Variants in BBS12 observed in about 807,000 individuals in gnomAD.
BBS12 encodes chaperonin-containing T-complex member BBS12.
Under a neutral mutation model 5.6 loss-of-function variants are expected in BBS12, and 5 were observed. That is an observed-to-expected ratio of 0.89 (90% confidence interval 0.46 to 1.86). The LOEUF is 1.86. BBS12 is among the 40% of genes most tolerant of loss of function. The pLI is 0.01. For missense variants in BBS12, 748 were observed against 830.4 expected (o/e 0.90, Z 1.22); for synonymous variants, 308 against 306.8 (o/e 1.00, Z -0.04).
the BBS12 span, among the ~76,000 whole-genome samples, chr4:122,705,565 G>A: frequency 1.3e-5 from 2 of 152,146 alleles, no homozygotes; most frequent in Non-Finnish European, 2.9e-5. Flanking sequence ...ATTTCCCCTT[G>A]GACTGCATTT....
intron 1 of BBS12, among the ~76,000 whole-genome samples, chr4:122,736,087 G>A (rs532641300): frequency 2.6e-5 from 4 of 152,266 alleles, no homozygotes; most frequent in Admixed American, 1.3e-4. Context: ...ACAAAAAGAG[G>A]CCAGAACAAA....
In BBS12 at chr4:122,742,392, C is replaced by T; in HGVS notation, c.500C>T (p.Thr167Ile). The part of the protein sequence containing the change: ...LCPFLQVPSD[T>I]DLIEELHGLK... ...CCTTTTCTACAGGTCCCTTCAGATA[C>T]TGATTTGATAGAGGAATTGCATGGT... The change falls in exon 2 of 2, where the codon ACT becomes ATT. Residue 167 changes from threonine (T) to isoleucine (I), a missense_variant. Coordinates refer to ENST00000314218, the MANE Select transcript of BBS12 (RefSeq NM_152618.3). 6.2e-7 allele frequency: 1 copy of T among 1,614,206 alleles called. No individual in the cohort carries two copies. The highest frequency in any genetic ancestry group is 8.5e-7 in the Non-Finnish European group (1 of 1,180,030).
the BBS12 span, among the ~76,000 whole-genome samples, chr4:122,709,944 C>T: frequency 4.1e-4 from 63 of 152,206 alleles, no homozygotes; most frequent in Non-Finnish European, 7.3e-4. Context: ...GCATGAGGTA[C>T]TGTGCCTGGC....
chr4:122,708,697 A>G, the BBS12 span, among the ~76,000 whole-genome samples: 1 of 152,040 alleles, frequency 6.6e-6, no homozygotes, highest in Non-Finnish European at 1.5e-5. Context: ...AATGATAGGT[A>G]ATCAAGGTGA....
chr4:122,716,663 ACACATAT>A, the BBS12 span, among the ~76,000 whole-genome samples: 1 of 94,052 alleles, frequency 1.1e-5, no homozygotes, highest in African/African-American at 4.2e-5. Context: ...ATATGCACAT[ACACATAT>A]GTGTATATAT....
chr4:122,706,146 T>C, the BBS12 span, among the ~76,000 whole-genome samples: 12 of 152,156 alleles, frequency 7.9e-5, no homozygotes, highest in Non-Finnish European at 2.9e-5. Context: ...ACAACGTTTG[T>C]CTTCATGGAC....
chr4:122,706,938 C>T, the BBS12 span, among the ~76,000 whole-genome samples: 1 of 152,056 alleles, frequency 6.6e-6, no homozygotes, highest in Admixed American at 6.6e-5. Flanking sequence ...CTGATATAAA[C>T]TCTCAACATT....
At chr4:122,726,950 G>C in the BBS12 span, among the ~76,000 whole-genome samples, 1 of 152,166 alleles carries the variant, frequency 6.6e-6, no homozygotes, top group African/African-American at 2.4e-5. Flanking sequence ...TGGGGACTCA[G>C]GGAAAAGTGT....
chr4:122,712,941 G>C, the BBS12 span, among the ~76,000 whole-genome samples: 2 of 152,200 alleles, frequency 1.3e-5, no homozygotes, highest in Non-Finnish European at 2.9e-5. Context: ...ATCTCAAGAT[G>C]TCAGCTACTT....
chr4:122,730,131 T>G (rs1800679575), upstream of BBS12: 2 of 152,240 alleles, frequency 1.3e-5, no homozygotes, highest in Non-Finnish European at 2.9e-5. Context: ...ACAGTTCTAT[T>G]TAATACTTTA....
the BBS12 span, among the ~76,000 whole-genome samples, chr4:122,711,175 T>C: frequency 0.02 from 3,038 of 152,248 alleles, 42 homozygotes; most frequent in Admixed American, 0.032. Context: ...AAAACTTCTC[T>C]GTGTAGGCAT....
chr4:122,725,828 G>A, the BBS12 span, among the ~76,000 whole-genome samples: 1 of 147,572 alleles, frequency 6.8e-6, no homozygotes, highest in Non-Finnish European at 1.5e-5. Context: ...AACCCAGGAG[G>A]CAGAGGTTGC....
At chr4:122,741,421 G>A (rs563151490) in intron 1 of BBS12, among the ~76,000 whole-genome samples, 1 of 152,254 alleles carries the variant, frequency 6.6e-6, no homozygotes, top group South Asian at 2.1e-4. Context: ...CCCTGACCTC[G>A]TGATCCGCCC....
At position 122,742,048 on chromosome 4, in the gene BBS12, A is replaced by C. The variant is rs955309144; in HGVS notation, c.156A>C (p.Ser52=). 6.2e-6 allele frequency: 10 copies of C among 1,614,178 alleles called. No individual in the cohort carries two copies. Among genetic ancestry groups the C allele is most frequent in the Non-Finnish European group, 8.5e-6 (10 of 1,180,016 alleles). The part of the protein sequence containing the change: ...EECHESVLIS[S]TVRLLESLDL... ...GTCATGAAAGTGTATTAATCAGTTC[A>C]ACAGTAAGGCTTCTTGAAAGTTTGG... The change falls in exon 2 of 2, where the codon TCA becomes TCC. Residue 52 remains serine (S), a synonymous_variant. Transcript: ENST00000314218.
At position 122,742,721 on chromosome 4, in the gene BBS12, C is replaced by G; in HGVS notation, c.829C>G (p.His277Asp). Residue 277 changes from histidine to aspartate, a missense_variant, in exon 2 of 2, where the codon CAT (histidine) becomes GAT (aspartate). His to Asp is a moderately conservative substitution (Grantham distance 81, BLOSUM62 -1). Transcript: ENST00000314218. ...DLVELAVGLSHGDHSSMKLVE... is the reference protein window; with the variant it reads ...DLVELAVGLSDGDHSSMKLVE... ...GGTAGAGTTGGCAGTAGGCTTGAGTCATGGAGATCACAGCAGCATGAAGTT... is the reference window on the plus strand; with the variant it reads ...GGTAGAGTTGGCAGTAGGCTTGAGTGATGGAGATCACAGCAGCATGAAGTT... 1 of 1,614,194 alleles carries G rather than the reference C, an allele frequency of 6.2e-7. No homozygotes were observed. The highest frequency in any genetic ancestry group is 1.1e-5 in the South Asian group (1 of 91,076).
Position 122,742,876 on chromosome 4 carries a change from T to C in BBS12, c.984T>C (p.Ser328=), listed in dbSNP as rs1266374004. 6.2e-7 allele frequency: 1 copy of C among 1,614,140 alleles called. No homozygotes were observed. Among genetic ancestry groups the C allele is most frequent in the Non-Finnish European group, 8.5e-7 (1 of 1,180,054 alleles). The change falls in exon 2 of 2, where the codon TCT becomes TCC. Residue 328 remains serine, a synonymous_variant. Coordinates refer to ENST00000314218, the MANE Select transcript of BBS12 (RefSeq NM_152618.3). ...TACCAGGCTTACCTGAAACTTCTTCTTGTGTTTGTCCAGGATATATCACTG... is the reference window on the plus strand; with the variant it reads ...TACCAGGCTTACCTGAAACTTCTTCCTGTGTTTGTCCAGGATATATCACTG... ...CCLPGLPETS[S]CVCPGYITVV... is the part of the protein sequence containing the mutation.
intron 1 of BBS12, among the ~76,000 whole-genome samples, chr4:122,739,597 C>A (rs191388961): frequency 2.6e-5 from 4 of 152,306 alleles, no homozygotes; most frequent in Non-Finnish European, 5.9e-5. Flanking sequence ...TTTCAAAGAC[C>A]CTAGAGCACA....
intron 1 of BBS12, among the ~76,000 whole-genome samples, chr4:122,733,376 AACACACACACACACACAC>A (rs3034555): frequency 3.6e-4 from 32 of 88,116 alleles, no homozygotes; most frequent in Non-Finnish European, 5.7e-4. Flanking sequence ...CTCCAACCCC[AACACACACACACACACAC>A]ACACACACAC....
chr4:122,729,013 C>A (rs1800663138), upstream of BBS12: 1 of 152,268 alleles, frequency 6.6e-6, no homozygotes, highest in South Asian at 2.1e-4. Context: ...ACATTACTCA[C>A]ATACAGAAGA....
Sources: allele counts gnomAD v4.1 joint callset (sites outside exome capture counted in the v4.1 genomes callset), GRCh38; gene constraint gnomAD v4.1.1; transcripts MANE v1.5; gene names NCBI Gene and HGNC (gene_info 2026-07-23, HGNC 2026-07-21).